LRRC7: variants seen among roughly 807,000 people sequenced by gnomAD.
LRRC7 encodes the protein leucine-rich repeat-containing protein 7.
In LRRC7, 23 loss-of-function variants were observed where a neutral mutation model predicts 175.7. The ratio of observed to expected loss-of-function variants is 0.13; its 90% CI spans 0.09 to 0.19. LRRC7 has a LOEUF of 0.19. Among genes scored for constraint, LRRC7 ranks in the 10% least tolerant of loss-of-function variants. The probability of loss-of-function intolerance (pLI) is 1.00; values close to 1 mark genes in which losing one functional copy is unlikely to be tolerated. For missense variants in LRRC7, 1,354 were observed against 1,904.7 expected, an observed-to-expected ratio of 0.71 and a Z score of 5.38; for synonymous variants, 685 against 680.9, an observed-to-expected ratio of 1.01 and a Z score of -0.09.
intron 26 of LRRC7, among the ~76,000 whole-genome samples, chr1:70,110,828 C>G (rs1388854940): frequency 1.3e-5 from 2 of 152,100 alleles, no homozygotes; most frequent in Admixed American, 6.5e-5. Context: ...ACGAGAATGG[C>G]TAATTCTAAA....
intron 8 of LRRC7, among the ~76,000 whole-genome samples, chr1:69,953,799 C>A (rs1357023528): frequency 6.6e-6 from 1 of 152,040 alleles, no homozygotes; most frequent in Non-Finnish European, 1.5e-5. Context: ...TTACCATCAA[C>A]ACTTGTTACA....
intron 2 of LRRC7, among the ~76,000 whole-genome samples, chr1:69,712,616 A>C (rs1664897252): frequency 6.6e-6 from 1 of 152,116 alleles, no homozygotes; most frequent in Non-Finnish European, 1.5e-5. Flanking sequence ...CAAAACAAAC[A>C]AACCAACAAC....
chr1:69,940,486 AT>A (rs1420818696), intron 8 of LRRC7, among the ~76,000 whole-genome samples: 2 of 152,086 alleles, frequency 1.3e-5, no homozygotes, highest in Admixed American at 6.6e-5. Context: ...TACCCTGGTG[AT>A]TCTGTCAACG....
rs999739348 is a variant in LRRC7 at position 70,033,322 on chromosome 1, A to T, written c.1996-2799A>T. On this transcript the variant is annotated intron_variant, in intron 18 of 26. Coordinates refer to ENST00000651989, the MANE Select transcript of LRRC7 (RefSeq NM_001370785.2). ...AATAAATAAATACCACATAATGATA[A>T]AAAATAAGGTTGTCTTTTAAATAAT... 2.1e-4 allele frequency among the ~76,000 whole-genome samples: 32 copies of T among 152,296 alleles called. No homozygotes were observed. In the Middle Eastern group the frequency reaches 0.017, roughly 81 times the overall value.
intron 7 of LRRC7, among the ~76,000 whole-genome samples, chr1:69,916,054 T>TATATATATA (rs1646678996): frequency 8.2e-5 from 6 of 72,850 alleles, no homozygotes; most frequent in Non-Finnish European, 2.0e-4. Flanking sequence ...ATATATATTT[T>TATATATATA]ATATGTATAT....
At chr1:69,601,897 G>A (rs994925336) in intron 1 of LRRC7, among the ~76,000 whole-genome samples, 2 of 152,056 alleles carry the variant, frequency 1.3e-5, no homozygotes. Context: ...GCTGAATTCA[G>A]TTTTGTAAGG....
At chr1:70,095,875 A>G (rs1050715713) in intron 25 of LRRC7, among the ~76,000 whole-genome samples, 1 of 152,232 alleles carries the variant, frequency 6.6e-6, no homozygotes, top group Non-Finnish European at 1.5e-5. Context: ...TACTAAAAAG[A>G]ATAACCAATA....
Position 70,039,288 on chromosome 1 carries a change from A to C in LRRC7, c.3464A>C (p.Asp1155Ala). ...GARAGFLRRA[D>A]SLVSATEMAM... ...AGGGCGGGCTTCCTGAGAAGGGCCG[A>C]CTCCCTGGTGAGCGCCACAGAAATG... The change falls in exon 21 of 27, where the codon GAC (aspartate) becomes GCC (alanine). Residue 1155 changes from aspartate (D) to alanine (A), a missense_variant. Physicochemically the swap from Asp to Ala is moderately radical, Grantham distance 126. Coordinates refer to ENST00000651989, the MANE Select transcript of LRRC7 (RefSeq NM_001370785.2). 6.2e-7 allele frequency: 1 copy of C among 1,613,862 alleles called. No individual in the cohort carries two copies. The highest frequency in any genetic ancestry group is 8.5e-7 in the Non-Finnish European group (1 of 1,179,958).
intron 2 of LRRC7, among the ~76,000 whole-genome samples, chr1:69,734,644 A>G (rs1296480113): frequency 6.6e-6 from 1 of 151,962 alleles, no homozygotes; most frequent in Non-Finnish European, 1.5e-5. Context: ...GCATGACTTC[A>G]TACATATTTA....
intron 7 of LRRC7, among the ~76,000 whole-genome samples, chr1:69,918,538 A>G (rs531586059): frequency 5.3e-4 from 81 of 152,342 alleles, no homozygotes; most frequent in African/African-American, 1.9e-3. Flanking sequence ...CACACGAACA[A>G]GAAAAGTAAT....
Position 70,129,365 on chromosome 1 carries a change from T to A in LRRC7, c.*7478T>A, listed in dbSNP as rs554901962. On this transcript the variant is annotated 3_prime_UTR_variant, in exon 27 of 27. Transcript: ENST00000651989. ...TGAATGCCTTGCTAGACAAGATAAA[T>A]AGCAACCAGAATCTCTTGAATCTCT... is the stretch of plus-strand genomic sequence containing the variant. Among the ~76,000 whole-genome samples, 2 of 152,070 alleles carry A rather than the reference T, an allele frequency of 1.3e-5. No homozygotes were observed. Among genetic ancestry groups the A allele is most frequent in the East Asian group, 3.9e-4 (2 of 5,174 alleles).
chr1:69,640,354 T>C lies in LRRC7; in HGVS notation c.3-38027T>C, dbSNP rs535978089. 2.0e-5 allele frequency among the ~76,000 whole-genome samples: 3 copies of C among 151,832 alleles called. No individual in the cohort carries two copies. The East Asian group carries it at 5.8e-4, about 29-fold the overall frequency. Reference sequence around the variant, plus strand: ...TGATTGTCCTGGGAGGAAGAACATGTTATAAACAGTGTAAACTTTTTGACT... The same window carrying C: ...TGATTGTCCTGGGAGGAAGAACATGCTATAAACAGTGTAAACTTTTTGACT... On this transcript the variant is annotated intron_variant, in intron 1 of 26. Transcript: ENST00000651989.
chr1:69,855,474 C>G (rs1231158465), intron 7 of LRRC7, among the ~76,000 whole-genome samples: 1 of 152,160 alleles, frequency 6.6e-6, no homozygotes, highest in Non-Finnish European at 1.5e-5. Flanking sequence ...AATTTGATTG[C>G]ACTGTGGTTT....
rs182489099 is a variant in LRRC7 at position 69,947,913 on chromosome 1, T to A, written c.711+16343T>A. Among the ~76,000 whole-genome samples the A allele has an allele frequency of 9.0e-4, 137 of 151,960 alleles. 2 individuals carry two copies. The highest frequency in any genetic ancestry group is 3.1e-3 in the African/African-American group (127 of 41,462). On this transcript the variant is annotated intron_variant, in intron 8 of 26. Transcript: ENST00000651989. ...GTAAAAAAAAGTTATGCAAATGTGATCTCTCTCTCTCTCCCCCTCTTTCTC... is the reference window on the plus strand; with the variant it reads ...GTAAAAAAAAGTTATGCAAATGTGAACTCTCTCTCTCTCCCCCTCTTTCTC...
intron 7 of LRRC7, among the ~76,000 whole-genome samples, chr1:69,892,424 A>G (rs1277452608): frequency 2.0e-5 from 3 of 152,232 alleles, no homozygotes; most frequent in Non-Finnish European, 4.4e-5. Context: ...CAAATGAGAA[A>G]AAAATGTTGG....
intron 23 of LRRC7, among the ~76,000 whole-genome samples, chr1:70,061,439 A>G (rs1478794273): frequency 6.6e-6 from 1 of 152,176 alleles, no homozygotes; most frequent in Non-Finnish European, 1.5e-5. Flanking sequence ...TTTCTGTGGT[A>G]ACAGCATATT....
intron 2 of LRRC7, among the ~76,000 whole-genome samples, chr1:69,740,532 C>T (rs904608341): frequency 6.6e-6 from 1 of 151,980 alleles, no homozygotes; most frequent in Non-Finnish European, 1.5e-5. Flanking sequence ...CAGGGGGACT[C>T]CAGTACAGCC....
intron 2 of LRRC7, among the ~76,000 whole-genome samples, chr1:69,728,892 TA>T (rs1304768388): frequency 8.0e-4 from 122 of 152,296 alleles, no homozygotes; most frequent in African/African-American, 2.7e-3. Flanking sequence ...TGAGACTGGG[TA>T]ATTTATAAAG....
chr1:69,754,692 A>G (rs189540214), intron 2 of LRRC7, among the ~76,000 whole-genome samples: 27 of 152,224 alleles, frequency 1.8e-4, no homozygotes, highest in African/African-American at 6.0e-4. Flanking sequence ...CAAGCTCCTG[A>G]CAATGGTAAT....
Sources: allele counts gnomAD v4.1 joint callset (sites outside exome capture counted in the v4.1 genomes callset), GRCh38; gene constraint gnomAD v4.1.1; transcripts MANE v1.5; gene names NCBI Gene and HGNC (gene_info 2026-07-23, HGNC 2026-07-21).